The following PRMT9 variants were observed in gnomAD, a reference collection of about 807,000 sequenced individuals.
PRMT9 encodes the protein protein arginine N-methyltransferase 9.
A neutral mutation model predicts 83.2 loss-of-function variants in PRMT9; 59 were observed. The observed-to-expected ratio is 0.71, with a 90% confidence interval of 0.57 to 0.88. The LOEUF (loss-of-function observed/expected upper bound fraction) is 0.88. Ranked by LOEUF, PRMT9 falls within the 40% of genes least tolerant of loss-of-function variation. PRMT9 has a pLI of 0.00. For missense variants in PRMT9, 947 were observed against 1,021.9 expected, an observed-to-expected ratio of 0.93 and a Z score of 1.00; for synonymous variants, 333 against 353.2, an observed-to-expected ratio of 0.94 and a Z score of 0.64.
chr4:147,649,506 CT>C (rs1012751502), intron 9 of PRMT9, among the ~76,000 whole-genome samples: 58 of 146,550 alleles, frequency 4.0e-4, no homozygotes, highest in Admixed American at 4.1e-4. Flanking sequence ...TAAGAATGAA[CT>C]TTTTTTTTTT....
chr4:147,683,623 CT>C (rs796423597), intron 1 of PRMT9, among the ~76,000 whole-genome samples, 175 bp downstream of exon 1: 1 of 150,404 alleles, frequency 6.6e-6, no homozygotes, highest in Non-Finnish European at 1.5e-5. Context: ...TTTTTCTTTT[CT>C]TTTTTTTTAC....
chr4:147,653,448 A>C (rs1734255957), intron 9 of PRMT9, among the ~76,000 whole-genome samples: 1 of 126,526 alleles, frequency 7.9e-6, no homozygotes, highest in Admixed American at 7.3e-5. Flanking sequence ...GTCTTAAAAA[A>C]AAAAAATATA....
At chr4:147,679,907 A>G (rs1189454764) in intron 2 of PRMT9, among the ~76,000 whole-genome samples, 2 of 152,192 alleles carry the variant, frequency 1.3e-5, no homozygotes, top group Non-Finnish European at 2.9e-5. Flanking sequence ...TGGTTTTGTA[A>G]TGGAGTACCT....
intron 10 of PRMT9, among the ~76,000 whole-genome samples, chr4:147,640,501 T>C (rs915546295): frequency 6.6e-6 from 1 of 152,192 alleles, no homozygotes; most frequent in South Asian, 2.1e-4. Flanking sequence ...TCCAGTCTTA[T>C]GGCCTTAAAT....
intron 10 of PRMT9, among the ~76,000 whole-genome samples, chr4:147,640,091 A>T (rs56099744): frequency 0.76 from 25,019 of 32,712 alleles, 9,561 homozygotes; most frequent in South Asian, 0.91. Flanking sequence ...TTTTTTTTTT[A>T]ATATAGGGTC....
chr4:147,658,876 A>C (rs1734721322), intron 7 of PRMT9, among the ~76,000 whole-genome samples: 1 of 152,140 alleles, frequency 6.6e-6, no homozygotes, highest in Admixed American at 6.6e-5. Context: ...AGGTGGGTGG[A>C]TCATTGAGGT....
rs540842752 is a variant in PRMT9 at position 147,666,559 on chromosome 4, A to T, written c.953+1980T>A. ...GTATCTAGATTCTTTATTGTGTTCC[A>T]CTGATGTATTTGTCTTTCTGCATCA... is the stretch of plus-strand genomic sequence containing the variant. On this transcript the variant is annotated intron_variant, in intron 6 of 11. Coordinates refer to ENST00000322396, the MANE Select transcript of PRMT9 (RefSeq NM_138364.4). 2.0e-5 allele frequency among the ~76,000 whole-genome samples: 3 copies of T among 152,228 alleles called. No homozygotes were observed. The South Asian group carries it at 6.2e-4, about 32-fold the overall frequency.
intron 6 of PRMT9, among the ~76,000 whole-genome samples, chr4:147,662,822 G>T (rs1351630029): frequency 6.6e-6 from 1 of 151,586 alleles, no homozygotes; most frequent in African/African-American, 2.4e-5. Context: ...AAACAAAAAA[G>T]AAAATTTACA....
At chr4:147,658,308 TAG>T (rs1006280642) in intron 7 of PRMT9, among the ~76,000 whole-genome samples, 4 of 146,390 alleles carry the variant, frequency 2.7e-5, no homozygotes, top group Non-Finnish European at 1.5e-5. Context: ...TGGAGGGGGG[TAG>T]AGAGAGAGAG....
At position 147,673,135 on chromosome 4, in the gene PRMT9, GA is replaced by G; in HGVS notation, c.576-10del. 1 of 1,613,154 alleles carries G rather than the reference GA, an allele frequency of 6.2e-7. No homozygotes were observed. The highest frequency in any genetic ancestry group is 8.5e-7 in the Non-Finnish European group (1 of 1,179,446). On this transcript the variant is annotated splice_polypyrimidine_tract_variant and intron_variant, in intron 3 of 11. Transcript: ENST00000322396. ...CTTTTTTAGCAAACATGCTACAAGG[GA>G]AAAAAGTTCTCCATCAAGAAAAAAT...
intron 9 of PRMT9, among the ~76,000 whole-genome samples, chr4:147,644,082 G>A (rs1733581625): frequency 6.6e-6 from 1 of 152,100 alleles, no homozygotes. Flanking sequence ...TTAGATAACA[G>A]TATTGTGTCC....
intron 7 of PRMT9, among the ~76,000 whole-genome samples, chr4:147,660,323 G>A (rs1734867569): frequency 1.3e-5 from 2 of 152,080 alleles, no homozygotes; most frequent in Non-Finnish European, 2.9e-5. Flanking sequence ...TCTTAGGAGG[G>A]GTTTTCTCTG....
At chr4:147,663,172 C>A (rs1022069132) in intron 6 of PRMT9, among the ~76,000 whole-genome samples, 3 of 151,892 alleles carry the variant, frequency 2.0e-5, no homozygotes, top group African/African-American at 7.3e-5. Context: ...CCACGCCTGG[C>A]TACTTTTTTG....
chr4:147,655,794 G>A (rs1734445934), intron 8 of PRMT9, among the ~76,000 whole-genome samples: 1 of 152,144 alleles, frequency 6.6e-6, no homozygotes, highest in African/African-American at 2.4e-5. Context: ...ATACCAAAGT[G>A]CTAGGATTAC....
intron 7 of PRMT9, among the ~76,000 whole-genome samples, chr4:147,659,609 G>C (rs77618043): frequency 1.1e-5 from 1 of 90,224 alleles, no homozygotes; most frequent in East Asian, 3.2e-4. Flanking sequence ...ACGGAGTTTC[G>C]CTCTTGTTGC....
At chr4:147,649,563 C>T (rs757460877) in intron 9 of PRMT9, among the ~76,000 whole-genome samples, 6 of 151,876 alleles carry the variant, frequency 4.0e-5, no homozygotes, top group Non-Finnish European at 7.4e-5. Flanking sequence ...AGTGCAATGG[C>T]GCGATCTCAG....
At chr4:147,657,651 A>G (rs1416005921) in intron 8 of PRMT9, 141 bp downstream of exon 8, 3 of 670,252 alleles carry the variant, frequency 4.5e-6, no homozygotes, top group South Asian at 1.8e-5. Context: ...ATTTCTTTTG[A>G]AAAAAAATGA....
chr4:147,651,648 G>C (rs974019858), intron 9 of PRMT9, among the ~76,000 whole-genome samples: 5 of 152,198 alleles, frequency 3.3e-5, no homozygotes, highest in Non-Finnish European at 5.9e-5. Flanking sequence ...CTAATCATTA[G>C]TAAATCCTGA....
chr4:147,664,753 T>C (rs996858842), intron 6 of PRMT9, among the ~76,000 whole-genome samples: 1 of 152,032 alleles, frequency 6.6e-6, no homozygotes, highest in African/African-American at 2.4e-5. Flanking sequence ...TGTATACCTA[T>C]GTAACAAACC....
Sources: gnomAD v4.1 joint callset for allele counts (sites outside exome capture counted in the v4.1 genomes callset) on GRCh38, gnomAD v4.1.1 for gene constraint, MANE v1.5 for transcripts, NCBI Gene and HGNC (gene_info 2026-07-23, HGNC 2026-07-21) for gene names.